SUPT3H: variants seen among roughly 807,000 people sequenced by gnomAD.
The protein encoded by SUPT3H is transcription initiation protein SPT3 homolog.
SUPT3H carries 44 observed loss-of-function variants against 44.3 expected under a neutral mutation model. The ratio of observed to expected loss-of-function variants is 0.99; its 90% CI spans 0.78 to 1.28. The LOEUF (loss-of-function observed/expected upper bound fraction) is 1.28, where lower values mean the gene tolerates loss of function less well. Among genes scored for constraint, SUPT3H ranks in the 50% most tolerant of loss-of-function variants. The probability of loss-of-function intolerance (pLI) is 0.00; values close to 1 mark genes in which losing one functional copy is unlikely to be tolerated. For synonymous variants in SUPT3H, 124 were observed against 125.6 expected, an observed-to-expected ratio of 0.99 and a Z score of 0.09; for missense variants, 380 against 387.1, an observed-to-expected ratio of 0.98 and a Z score of 0.15.
chr6:44,958,288 C>G (rs1211975322), intron 7 of SUPT3H, among the ~76,000 whole-genome samples: 1 of 152,122 alleles, frequency 6.6e-6, no homozygotes, highest in East Asian at 1.9e-4. Flanking sequence ...TGATCACTAA[C>G]AAAATTTAAG....
intron 10 of SUPT3H, among the ~76,000 whole-genome samples, chr6:44,889,364 C>T (rs1762886174): frequency 6.6e-6 from 1 of 152,188 alleles, no homozygotes; most frequent in Non-Finnish European, 1.5e-5. Flanking sequence ...TGACTTCAAA[C>T]TATACTACAA....
chr6:44,922,297 T>A (rs1768851467), intron 10 of SUPT3H, among the ~76,000 whole-genome samples: 1 of 152,268 alleles, frequency 6.6e-6, no homozygotes. Flanking sequence ...TAGTCTTAAA[T>A]ATATGTTGGG....
intron 2 of SUPT3H, among the ~76,000 whole-genome samples, chr6:45,172,851 A>G (rs1301228240): frequency 6.6e-6 from 1 of 152,156 alleles, no homozygotes; most frequent in East Asian, 1.9e-4. Context: ...CAGCCTCCCA[A>G]AGTGCTGGGA....
chr6:45,179,559 C>G (rs1276074354), intron 2 of SUPT3H, among the ~76,000 whole-genome samples: 1 of 152,140 alleles, frequency 6.6e-6, no homozygotes, highest in Non-Finnish European at 1.5e-5. Flanking sequence ...CCCTGGGATG[C>G]AAGGCTGGTT....
intron 3 of SUPT3H, among the ~76,000 whole-genome samples, chr6:45,097,261 C>A (rs1054275809): frequency 2.0e-5 from 3 of 152,122 alleles, no homozygotes; most frequent in Non-Finnish European, 4.4e-5. Flanking sequence ...GTTTCATGGA[C>A]CATGCTAATT....
intron 2 of SUPT3H, among the ~76,000 whole-genome samples, chr6:45,316,633 T>C (rs997168434): frequency 6.6e-6 from 1 of 152,076 alleles, no homozygotes; most frequent in Non-Finnish European, 1.5e-5. Context: ...TTCCATACTA[T>C]TCAAAAAAGA....
chr6:45,247,806 A>G (rs1436294775), intron 2 of SUPT3H, among the ~76,000 whole-genome samples: 1 of 152,164 alleles, frequency 6.6e-6, no homozygotes, highest in African/African-American at 2.4e-5. Flanking sequence ...AATTCACTCT[A>G]AGACATTTTC....
chr6:45,067,362 A>G (rs1417457378), intron 3 of SUPT3H, among the ~76,000 whole-genome samples: 11 of 126,914 alleles, frequency 8.7e-5, no homozygotes, highest in South Asian at 2.6e-4. Context: ...TAAAAACCCT[A>G]GAAGAAAACC....
intron 2 of SUPT3H, among the ~76,000 whole-genome samples, chr6:45,294,550 G>T (rs996791655): frequency 6.6e-6 from 1 of 151,836 alleles, no homozygotes; most frequent in African/African-American, 2.4e-5. Context: ...GTTGCTGTTT[G>T]CTGATATGAT....
At chr6:44,956,162 C>A (rs2153475116) in intron 7 of SUPT3H, among the ~76,000 whole-genome samples, 1 of 149,156 alleles carries the variant, frequency 6.7e-6, no homozygotes, top group Admixed American at 6.7e-5. Flanking sequence ...ACCGGTTCCC[C>A]AAAAAACCTA....
At chr6:44,930,467 G>C (rs569302582) in intron 10 of SUPT3H, among the ~76,000 whole-genome samples, 1 of 151,526 alleles carries the variant, frequency 6.6e-6, no homozygotes, top group South Asian at 2.1e-4. Context: ...GGAGGCTGAG[G>C]TAGGGAGAAC....
chr6:45,323,453 C>G (rs1445090556), intron 2 of SUPT3H, among the ~76,000 whole-genome samples: 2 of 152,050 alleles, frequency 1.3e-5, no homozygotes, highest in African/African-American at 2.4e-5. Flanking sequence ...AACCTCCCTA[C>G]AGTAAAGCAC....
intron 2 of SUPT3H, among the ~76,000 whole-genome samples, chr6:45,168,583 A>G (rs1010489484): frequency 1.3e-5 from 2 of 152,180 alleles, no homozygotes; most frequent in Non-Finnish European, 2.9e-5. Context: ...ATATTTGGGG[A>G]TCACACAGTA....
chr6:45,234,208 G>A (rs1327837563), intron 2 of SUPT3H, among the ~76,000 whole-genome samples: 2 of 152,078 alleles, frequency 1.3e-5, no homozygotes, highest in Non-Finnish European at 2.9e-5. Flanking sequence ...TCTGGAGTGA[G>A]TATCAGTTAC....
At chr6:44,864,492 A>C (rs954861485) in intron 10 of SUPT3H, among the ~76,000 whole-genome samples, 4 of 152,170 alleles carry the variant, frequency 2.6e-5, no homozygotes, top group African/African-American at 7.2e-5. Context: ...CCCCTGCAGC[A>C]AACTTTTGCC....
At chr6:45,127,684 A>G (rs919906384) in intron 2 of SUPT3H, among the ~76,000 whole-genome samples, 1 of 151,964 alleles carries the variant, frequency 6.6e-6, no homozygotes, top group African/African-American at 2.4e-5. Context: ...ACTTTTCTCT[A>G]TTGTCTGTTT....
In SUPT3H at chr6:44,945,155, C is replaced by T. The variant is rs79306445; in HGVS notation, c.801+8155G>A. Among the ~76,000 whole-genome samples the T allele has an allele frequency of 1.1e-3, 161 of 151,826 alleles. 1 individual carries two copies. Among genetic ancestry groups the T allele is most frequent in the East Asian group, 3.9e-3 (20 of 5,176 alleles). ...TGTTACTATTGTAATTGTCTTGGGG[C>T]GCCACGAACTGTATTCATATGAGAT... On this transcript the variant is annotated intron_variant, in intron 9 of 10. Transcript: ENST00000371459.
chr6:45,191,497 C>T (rs1268474327), intron 2 of SUPT3H, among the ~76,000 whole-genome samples: 1 of 152,050 alleles, frequency 6.6e-6, no homozygotes, highest in Non-Finnish European at 1.5e-5. Context: ...GGATAAATGT[C>T]ATTATACATT....
intron 10 of SUPT3H, among the ~76,000 whole-genome samples, chr6:44,849,681 ATTC>A (rs1332689372): frequency 6.6e-6 from 1 of 152,242 alleles, no homozygotes; most frequent in Non-Finnish European, 1.5e-5. Context: ...ATAGTCCTCT[ATTC>A]TTCTGTCTGG....
Sources: allele counts gnomAD v4.1 joint callset (sites outside exome capture counted in the v4.1 genomes callset), GRCh38; gene constraint gnomAD v4.1.1; transcripts MANE v1.5; gene names NCBI Gene and HGNC (gene_info 2026-07-23, HGNC 2026-07-21).